Variants in SRRM4 observed in about 807,000 individuals in gnomAD.
SRRM4 encodes serine/arginine repetitive matrix protein 4.
In SRRM4, 33 loss-of-function variants were observed where a neutral mutation model predicts 68.9. That is an observed-to-expected ratio of 0.48 (90% CI 0.36 to 0.64). The LOEUF (loss-of-function observed/expected upper bound fraction) is 0.64, where lower values mean the gene tolerates loss of function less well. Ranked by LOEUF, SRRM4 falls within the 30% of genes least tolerant of loss-of-function variation. The pLI is 0.00. For synonymous variants in SRRM4, 318 were observed against 318.8 expected (o/e 1.00, Z 0.03); for missense variants, 817 against 827.1 (o/e 0.99, Z 0.15).
intron 1 of SRRM4, among the ~76,000 whole-genome samples, chr12:118,987,955 T>C (rs955204079): frequency 1.3e-5 from 2 of 152,368 alleles, no homozygotes; most frequent in Non-Finnish European, 2.9e-5. Flanking sequence ...GGTGTTGTGA[T>C]ACATATAATG....
intron 1 of SRRM4, among the ~76,000 whole-genome samples, chr12:119,025,220 G>T (rs1953540359): frequency 6.6e-6 from 1 of 151,868 alleles, no homozygotes; most frequent in South Asian, 2.1e-4. Context: ...GAGTGTAGGG[G>T]GCAATGGTAT....
In SRRM4 at chr12:119,009,671, C is replaced by T. The variant is rs79171793; in HGVS notation, c.131+27658C>T. Among the ~76,000 whole-genome samples, 114 of 152,268 alleles carry T rather than the reference C, an allele frequency of 7.5e-4. No homozygotes were observed. In the East Asian group the frequency reaches 0.017, roughly 22 times the overall value. On this transcript the variant is annotated intron_variant, in intron 1 of 12. Coordinates refer to ENST00000267260, the MANE Select transcript of SRRM4 (RefSeq NM_194286.4). ...GGAAATCACAGCAATACCTACTCAC[C>T]GGGTTGCCAAATCAGTTAATATCAT...
In SRRM4 at chr12:119,154,216, C is replaced by A. The variant is rs1171786641; in HGVS notation, c.1392-27C>A. 1 of 1,577,486 alleles carries A rather than the reference C, an allele frequency of 6.3e-7. No individual in the cohort carries two copies. Among genetic ancestry groups the A allele is most frequent in the Admixed American group, 1.8e-5 (1 of 56,214 alleles). On this transcript the variant is annotated intron_variant, in intron 11 of 12. Coordinates refer to ENST00000267260, the MANE Select transcript of SRRM4 (RefSeq NM_194286.4). The surrounding 1 kb of genome is among the most constrained non-coding windows in gnomAD (Gnocchi z 4.7). ...CAGAAAATCCAGCCCAGCCCCAGCTCCCCAGTAACCCCCCGCGCCCCTTCA... is the reference window on the plus strand; with the variant it reads ...CAGAAAATCCAGCCCAGCCCCAGCTACCCAGTAACCCCCCGCGCCCCTTCA...
chr12:119,116,413 G>T lies in SRRM4; in HGVS notation c.366-524G>T, dbSNP rs112158553. Among the ~76,000 whole-genome samples the T allele has an allele frequency of 1.0e-3, 156 of 152,280 alleles. 1 individual carries two copies. The highest frequency in any genetic ancestry group is 3.3e-3 in the African/African-American group (137 of 41,566). ...TCTTACCAGGGAGACAAAGGATGGG[G>T]CAAAGGAGAAACCCTGAGACTTTGA... On this transcript the variant is annotated intron_variant, in intron 3 of 12. Coordinates refer to ENST00000267260, the MANE Select transcript of SRRM4 (RefSeq NM_194286.4).
intron 3 of SRRM4, among the ~76,000 whole-genome samples, chr12:119,116,532 G>A (rs577969257): frequency 9.9e-5 from 15 of 152,228 alleles, no homozygotes; most frequent in Non-Finnish European, 1.8e-4. Context: ...TGGTGACTGA[G>A]AGCAAAAACC....
intron 1 of SRRM4, among the ~76,000 whole-genome samples, chr12:119,051,835 G>A (rs983355267): frequency 1.3e-5 from 2 of 152,202 alleles, no homozygotes; most frequent in African/African-American, 4.8e-5. Context: ...GCACATTTTG[G>A]TGAATGCTGC....
At chr12:118,988,127 T>C (rs1953293888) in intron 1 of SRRM4, among the ~76,000 whole-genome samples, 1 of 149,474 alleles carries the variant, frequency 6.7e-6, no homozygotes. Flanking sequence ...CAGAGGAATG[T>C]AAAAAAAAAA....
In SRRM4 at chr12:119,153,621, C is replaced by T; in HGVS notation, c.1363C>T (p.Pro455Ser). 1 of 1,563,430 alleles carries T rather than the reference C, an allele frequency of 6.4e-7. No homozygotes were observed. Among genetic ancestry groups the T allele is most frequent in the Non-Finnish European group, 8.7e-7 (1 of 1,155,332 alleles). Residue 455 changes from proline (P) to serine (S), a missense_variant, in exon 11 of 13, where the codon CCT (proline) becomes TCT (serine). Transcript: ENST00000267260. ...PSRSSRSRRSPSYSRYSPSRE... is the reference protein window; with the variant it reads ...PSRSSRSRRSSSYSRYSPSRE... Reference sequence around the variant, plus strand: ...CAGAAGCTCTAGGTCCCGCCGCAGCCCTAGCTACTCCCGCTACAGCCCCAG... The same window carrying T: ...CAGAAGCTCTAGGTCCCGCCGCAGCTCTAGCTACTCCCGCTACAGCCCCAG...
At chr12:119,033,226 T>G (rs1953603416) in intron 1 of SRRM4, among the ~76,000 whole-genome samples, 1 of 152,250 alleles carries the variant, frequency 6.6e-6, no homozygotes, top group Non-Finnish European at 1.5e-5. Context: ...TACAGATCCA[T>G]GAGCAATATA....
intron 1 of SRRM4, among the ~76,000 whole-genome samples, chr12:119,024,442 G>T (rs1429369159): frequency 6.6e-6 from 1 of 152,238 alleles, no homozygotes; most frequent in African/African-American, 2.4e-5. Context: ...AATGTGGGCT[G>T]GGTTTCAGCC....
intron 2 of SRRM4, among the ~76,000 whole-genome samples, chr12:119,113,183 T>G (rs2136047593): frequency 6.6e-6 from 1 of 152,308 alleles, no homozygotes; most frequent in South Asian, 2.1e-4. Flanking sequence ...TTCTAACCAT[T>G]TTATCATTCT....
intron 1 of SRRM4, among the ~76,000 whole-genome samples, chr12:119,016,215 C>G (rs1437581148): frequency 1.3e-5 from 2 of 152,136 alleles, no homozygotes; most frequent in Admixed American, 1.3e-4. Context: ...GAAGCGTGGT[C>G]CTAACAACAC....
chr12:119,055,496 A>G (rs993650045), intron 1 of SRRM4, among the ~76,000 whole-genome samples: 28 of 152,126 alleles, frequency 1.8e-4, no homozygotes, highest in African/African-American at 6.8e-4. Context: ...GTCAGCCTCT[A>G]TTGGATTTTG....
chr12:119,120,353 C>T, intron 5 of SRRM4, 77 bp downstream of exon 5: 4 of 1,485,488 alleles, frequency 2.7e-6, no homozygotes, highest in East Asian at 4.9e-5. Flanking sequence ...TAGGTCAGCC[C>T]TCAGTTTCCA....
chr12:119,054,405 C>T (rs1953764446), intron 1 of SRRM4, among the ~76,000 whole-genome samples: 1 of 152,174 alleles, frequency 6.6e-6, no homozygotes, highest in Non-Finnish European at 1.5e-5. Flanking sequence ...TATCCTACTT[C>T]ACAGTTGAGG....
At chr12:119,053,067 G>C (rs564208803) in intron 1 of SRRM4, among the ~76,000 whole-genome samples, 2 of 152,180 alleles carry the variant, frequency 1.3e-5, no homozygotes, top group Admixed American at 1.3e-4. Flanking sequence ...AATTGTCAGA[G>C]AGTTGTCTCA....
At chr12:119,128,710 AC>A (rs1954275801) in intron 7 of SRRM4, among the ~76,000 whole-genome samples, 1 of 152,230 alleles carries the variant, frequency 6.6e-6, no homozygotes, top group East Asian at 1.9e-4. Flanking sequence ...TGGAATAGGC[AC>A]CAGGTTAGTG....
At chr12:119,147,792 T>C (rs1419811979) in intron 9 of SRRM4, among the ~76,000 whole-genome samples, 1 of 152,230 alleles carries the variant, frequency 6.6e-6, no homozygotes, top group Admixed American at 6.5e-5. Flanking sequence ...TATGAGCCAG[T>C]TGTAATTCTA....
In SRRM4 at chr12:119,134,383, A is replaced by T. The variant is rs924168236; in HGVS notation, c.771+3549A>T. Among the ~76,000 whole-genome samples, 44 of 46,508 alleles carry T rather than the reference A, an allele frequency of 9.5e-4. 1 individual carries two copies. The highest frequency in any genetic ancestry group is 7.2e-3 in the Admixed American group (34 of 4,718). The allele number at this position is 46,508 out of a possible 152,430, so 30.5% of individuals were successfully genotyped here. A position where few individuals can be genotyped will look rare whatever the true frequency, so the allele number is the denominator to read the frequency against. ...GGTACTGGGGAGGCAGAGAGATTGT[A>T]AAAAAAAAAAAAAAAGAAGAAAAGA... On this transcript the variant is annotated intron_variant, in intron 8 of 12. Transcript: ENST00000267260.
Sources: gnomAD v4.1 joint callset for allele counts (sites outside exome capture counted in the v4.1 genomes callset) on GRCh38, gnomAD v4.1.1 for gene constraint, Gnocchi (gnomAD v3.1) non-coding constraint, MANE v1.5 for transcripts, NCBI Gene and HGNC (gene_info 2026-07-23, HGNC 2026-07-21) for gene names.